The following ATP8A2 variants were observed in gnomAD, a reference collection of about 807,000 sequenced individuals.
ATP8A2 encodes phospholipid-transporting ATPase IB.
ATP8A2 carries 100 observed loss-of-function variants against 165.6 expected under a neutral mutation model. The observed-to-expected ratio is 0.60, with a 90% CI of 0.51 to 0.71. The LOEUF is 0.71. ATP8A2 is among the 30% of genes least tolerant of loss of function. The pLI, the probability that ATP8A2 is intolerant of heterozygous loss-of-function variation, is 0.00. For synonymous variants in ATP8A2, 543 were observed against 548.8 expected (o/e 0.99, Z 0.15); for missense variants, 1,227 against 1,479.5 (o/e 0.83, Z 2.80).
intron 33 of ATP8A2, among the ~76,000 whole-genome samples, chr13:25,930,468 T>C (rs961399515): frequency 1.3e-5 from 2 of 151,340 alleles, no homozygotes; most frequent in African/African-American, 4.8e-5. Context: ...CCAAACTCTC[T>C]TGCCAATTTC....
chr13:25,547,714 T>C (rs1593508497), intron 10 of ATP8A2, among the ~76,000 whole-genome samples: 1 of 152,300 alleles, frequency 6.6e-6, no homozygotes, highest in East Asian at 1.9e-4. Context: ...AACCAGTACC[T>C]GGTGCCAAAA....
At chr13:25,573,584 C>G (rs1035439190) in intron 18 of ATP8A2, among the ~76,000 whole-genome samples, 1 of 152,130 alleles carries the variant, frequency 6.6e-6, no homozygotes, top group African/African-American at 2.4e-5. Flanking sequence ...TCTCAAATTC[C>G]TACATATTTA....
chr13:25,947,288 G>A (rs1337155061), intron 33 of ATP8A2, among the ~76,000 whole-genome samples: 3 of 152,086 alleles, frequency 2.0e-5, no homozygotes, highest in Non-Finnish European at 2.9e-5. Context: ...GGGTATGTTC[G>A]TGCATGTACT....
intron 33 of ATP8A2, among the ~76,000 whole-genome samples, chr13:25,954,926 C>T (rs533039244): frequency 6.6e-6 from 1 of 152,256 alleles, no homozygotes; most frequent in Non-Finnish European, 1.5e-5. Flanking sequence ...ATTTCAAAAA[C>T]GAGAATGCCT....
chr13:25,687,315 T>C (rs1024484949), intron 24 of ATP8A2, among the ~76,000 whole-genome samples: 2 of 152,180 alleles, frequency 1.3e-5, no homozygotes, highest in African/African-American at 4.8e-5. Flanking sequence ...TCAGCCAACA[T>C]TGATTGAAAG....
intron 30 of ATP8A2, among the ~76,000 whole-genome samples, chr13:25,842,370 A>G (rs1951763468): frequency 6.6e-6 from 1 of 152,186 alleles, no homozygotes; most frequent in Non-Finnish European, 1.5e-5. Context: ...GGCTTTGAGT[A>G]TGAGGTTAAG....
At chr13:25,955,167 T>A (rs1008735125) in intron 33 of ATP8A2, among the ~76,000 whole-genome samples, 19 of 151,942 alleles carry the variant, frequency 1.3e-4, no homozygotes, top group African/African-American at 3.9e-4. Context: ...GCAGGAAAGA[T>A]CCAAAATTGA....
intron 1 of ATP8A2, among the ~76,000 whole-genome samples, chr13:25,411,699 A>G (rs963345854): frequency 6.6e-6 from 1 of 152,214 alleles, no homozygotes; most frequent in Non-Finnish European, 1.5e-5. Flanking sequence ...TTGTGTACAC[A>G]TACATACACA....
chr13:25,896,934 C>T (rs1462343389), intron 33 of ATP8A2, among the ~76,000 whole-genome samples: 34 of 152,050 alleles, frequency 2.2e-4, no homozygotes, highest in Non-Finnish European at 4.3e-4. Context: ...TGTCTCTGCA[C>T]GTGAGATGGG....
intron 27 of ATP8A2, among the ~76,000 whole-genome samples, chr13:25,811,501 C>T (rs1407423892): frequency 6.6e-6 from 1 of 152,062 alleles, no homozygotes; most frequent in African/African-American, 2.4e-5. Context: ...AATGATTATC[C>T]TTGCCCCGGT....
At chr13:25,843,497 G>C (rs1045953326) in intron 30 of ATP8A2, among the ~76,000 whole-genome samples, 9 of 152,134 alleles carry the variant, frequency 5.9e-5, no homozygotes, top group Non-Finnish European at 1.3e-4. Context: ...AATGGGATTA[G>C]TGTACCTATA....
chr13:25,959,154 AACAGG>A (rs1955599281), intron 33 of ATP8A2, among the ~76,000 whole-genome samples: 1 of 152,232 alleles, frequency 6.6e-6, no homozygotes, highest in Admixed American at 6.5e-5. Context: ...CAGGCAGGAC[AACAGG>A]AGCTGGAAGG....
At chr13:25,697,637 T>A (rs1199186151) in intron 24 of ATP8A2, among the ~76,000 whole-genome samples, 1 of 152,238 alleles carries the variant, frequency 6.6e-6, no homozygotes, top group Non-Finnish European at 1.5e-5. Flanking sequence ...TGGGTTTTAC[T>A]GAGTGTTTGC....
chr13:25,726,038 T>C (rs116371309), intron 25 of ATP8A2, among the ~76,000 whole-genome samples: 1 of 152,374 alleles, frequency 6.6e-6, no homozygotes, highest in African/African-American at 2.4e-5. Context: ...AGTATGTAGA[T>C]AGACACGCAT....
intron 1 of ATP8A2, among the ~76,000 whole-genome samples, chr13:25,464,567 C>T (rs2035586375): frequency 6.6e-6 from 1 of 152,054 alleles, no homozygotes; most frequent in South Asian, 2.1e-4. Context: ...AGAAATGGTC[C>T]CTACCAGTTC....
chr13:26,003,446 T>C (rs1302739275), intron 35 of ATP8A2, among the ~76,000 whole-genome samples: 1 of 152,160 alleles, frequency 6.6e-6, no homozygotes, highest in Non-Finnish European at 1.5e-5. Flanking sequence ...GATGTATAGC[T>C]TGCAAATATT....
At chr13:25,522,524 G>A (rs2037703517) in intron 2 of ATP8A2, among the ~76,000 whole-genome samples, 1 of 152,106 alleles carries the variant, frequency 6.6e-6, no homozygotes, top group African/African-American at 2.4e-5. Context: ...TCCCAGTTGA[G>A]TATGATGTTG....
At chr13:25,490,044 C>T (rs561727446) in intron 2 of ATP8A2, among the ~76,000 whole-genome samples, 24 of 152,236 alleles carry the variant, frequency 1.6e-4, no homozygotes, top group African/African-American at 5.3e-4. Context: ...GGTGTTGCAG[C>T]GCAGTGGTGG....
chr13:25,650,586 G>A (rs2041788657), intron 24 of ATP8A2, among the ~76,000 whole-genome samples: 1 of 152,152 alleles, frequency 6.6e-6, no homozygotes. Context: ...CCAAACAGAA[G>A]TAGCGTTAAG....
Sources: gnomAD v4.1 joint callset for allele counts (sites outside exome capture counted in the v4.1 genomes callset) on GRCh38, gnomAD v4.1.1 for gene constraint, MANE v1.5 for transcripts, NCBI Gene and HGNC (gene_info 2026-07-23, HGNC 2026-07-21) for gene names.